Variants in OTOGL observed in about 807,000 individuals in gnomAD.
OTOGL encodes the protein otogelin like.
Under a neutral mutation model 318.5 loss-of-function variants are expected in OTOGL, and 285 were observed. The ratio of observed to expected loss-of-function variants is 0.89; its 90% CI spans 0.81 to 0.99. The LOEUF (loss-of-function observed/expected upper bound fraction) is 0.99. Among genes scored for constraint, OTOGL ranks in the 50% least tolerant of loss-of-function variants. The pLI is 0.00. For missense variants in OTOGL, 2,899 were observed against 2,845.6 expected (o/e 1.02, Z -0.43); for synonymous variants, 987 against 936.5 (o/e 1.05, Z -0.99).
intron 1 of OTOGL, among the ~76,000 whole-genome samples, chr12:80,168,832 C>A (rs539098741): frequency 9.5e-4 from 144 of 152,282 alleles, no homozygotes; most frequent in Middle Eastern, 6.8e-3. Context: ...GTGAACAGAA[C>A]CTTCTCTAAG....
intron 9 of OTOGL, 24 bp downstream of exon 9, chr12:80,233,121 TG>T: frequency 6.4e-7 from 1 of 1,556,846 alleles, no homozygotes; most frequent in Non-Finnish European, 8.7e-7. Context: ...AATAAATGTG[TG>T]GGTACCTTCT....
chr12:80,208,727 G>C (rs1012464318), intron 1 of OTOGL, among the ~76,000 whole-genome samples: 2 of 152,118 alleles, frequency 1.3e-5, no homozygotes, highest in Non-Finnish European at 2.9e-5. Context: ...AGTTTTCAGG[G>C]CTGGGTGAGT....
At chr12:80,306,762 G>A (rs919686105) in intron 29 of OTOGL, among the ~76,000 whole-genome samples, 1 of 107,110 alleles carries the variant, frequency 9.3e-6, no homozygotes, top group African/African-American at 3.7e-5. Context: ...GAATTAAGAA[G>A]TAACTATTTC....
intron 52 of OTOGL, among the ~76,000 whole-genome samples, chr12:80,365,240 T>G (rs1196379514): frequency 2.6e-5 from 4 of 152,110 alleles, no homozygotes. Flanking sequence ...TAACCCAAAG[T>G]GGAAGCAGCC....
At chr12:80,289,468 C>T (rs1377872008) in intron 26 of OTOGL, among the ~76,000 whole-genome samples, 3 of 152,220 alleles carry the variant, frequency 2.0e-5, no homozygotes, top group East Asian at 3.9e-4. Flanking sequence ...CAGGCACAAA[C>T]ATTGAAGTCT....
chr12:80,314,188 A>G, intron 31 of OTOGL, 117 bp from the exon 32 acceptor site: 1 of 325,786 alleles, frequency 3.1e-6, no homozygotes, highest in African/African-American at 2.1e-5. Flanking sequence ...TTCCTAAATA[A>G]TACCATTTTA....
At chr12:80,255,269 G>A in intron 16 of OTOGL, 84 bp downstream of exon 16, 3 of 1,225,966 alleles carry the variant, frequency 2.4e-6, no homozygotes, top group Non-Finnish European at 2.1e-6. Context: ...ATGATAACAT[G>A]AGTGGATATA....
At chr12:80,356,750 CTA>C (rs1251808389) in intron 48 of OTOGL, 55 bp from the exon 49 acceptor site, 2 of 1,061,416 alleles carry the variant, frequency 1.9e-6, no homozygotes, top group East Asian at 5.2e-5. Context: ...GAGGTAAACA[CTA>C]TGTCATTTTT....
chr12:80,279,022 T>A lies in OTOGL; in HGVS notation c.2790-6T>A. On this transcript the variant is annotated splice_polypyrimidine_tract_variant and splice_region_variant and intron_variant, in intron 25 of 58. Coordinates refer to ENST00000547103, the MANE Select transcript of OTOGL (RefSeq NM_001378609.3). Reference sequence around the variant, plus strand: ...TAGAAAGGTAACTTTTGTTATTTTTTAATAGCGTTTGTCGACGAGGAATGT... The same window carrying A: ...TAGAAAGGTAACTTTTGTTATTTTTAAATAGCGTTTGTCGACGAGGAATGT... The A allele has an allele frequency of 1.3e-6, 2 of 1,593,346 alleles. No homozygotes were observed. The highest frequency in any genetic ancestry group is 8.5e-7 in the Non-Finnish European group (1 of 1,175,654).
At chr12:80,126,848 G>T (rs1231947913) in intron 1 of OTOGL, among the ~76,000 whole-genome samples, 1 of 152,030 alleles carries the variant, frequency 6.6e-6, no homozygotes, top group Non-Finnish European at 1.5e-5. Flanking sequence ...TTTTATCAGA[G>T]AACTAGGATT....
At chr12:80,144,949 G>T (rs1872238508) in intron 1 of OTOGL, among the ~76,000 whole-genome samples, 2 of 151,304 alleles carry the variant, frequency 1.3e-5, no homozygotes, top group African/African-American at 4.9e-5. Context: ...GTAGATTCTG[G>T]ATATTAGCCC....
At chr12:80,114,444 A>C (rs1870034837) in intron 1 of OTOGL, among the ~76,000 whole-genome samples, 2 of 152,168 alleles carry the variant, frequency 1.3e-5, no homozygotes, top group African/African-American at 2.4e-5. Context: ...ATTAGCCCCT[A>C]CACTTTTCTG....
intron 29 of OTOGL, among the ~76,000 whole-genome samples, chr12:80,307,790 G>T (rs1260578693): frequency 1.5e-5 from 2 of 132,488 alleles, no homozygotes; most frequent in African/African-American, 2.9e-5. Flanking sequence ...GGGCAGAGGG[G>T]CTCCTCACTT....
chr12:80,270,274 T>C (rs1414976334), intron 23 of OTOGL, 120 bp downstream of exon 23: 2 of 769,750 alleles, frequency 2.6e-6, no homozygotes, highest in African/African-American at 3.5e-5. Flanking sequence ...CTTGGGAATG[T>C]TCTTCAACAT....
Position 80,232,828 on chromosome 12 carries a change from AAT to A in OTOGL, c.612-61_612-60del, listed in dbSNP as rs570926834. 2.7e-5 allele frequency: 36 copies of A among 1,353,578 alleles called. No individual in the cohort carries two copies. In the South Asian group the frequency reaches 4.5e-4, roughly 17 times the overall value. 83.8% of individuals were successfully genotyped at this position (1,353,578 alleles called of 1,614,324 possible). A position where few individuals can be genotyped will look rare whatever the true frequency, so the allele number is the denominator to read the frequency against. On this transcript the variant is annotated intron_variant, in intron 8 of 58. Transcript: ENST00000547103. ...TTTAATTGTATCTCAGTCACTTAAA[AAT>A]ATGTCATCTGTAATTGAGACTTTAT...
chr12:80,148,568 T>G (rs1405809529), intron 1 of OTOGL, among the ~76,000 whole-genome samples: 2 of 151,784 alleles, frequency 1.3e-5, no homozygotes, highest in Non-Finnish European at 2.9e-5. Flanking sequence ...CTTTGTGGTG[T>G]TCTCTGTATT....
At position 80,108,868 on chromosome 12, in the gene OTOGL, ATGTGTATATATG is replaced by A. The variant is rs1869643217; in HGVS notation, c.-20+9267_-20+9278del. ...TATGTGTATATATATGTGTATATAT[ATGTGTATATATG>A]TGTATATATATGTGTATATATATGT... On this transcript the variant is annotated intron_variant, in intron 1 of 58. Coordinates refer to ENST00000547103, the MANE Select transcript of OTOGL (RefSeq NM_001378609.3). Among the ~76,000 whole-genome samples, 6 of 139,394 alleles carry A rather than the reference ATGTGTATATATG, an allele frequency of 4.3e-5. No individual in the cohort carries two copies. The Admixed American group carries it at 4.4e-4, about 10-fold the overall frequency. 91.4% of individuals were successfully genotyped at this position (139,394 alleles called of 152,430 possible). A position where few individuals can be genotyped will look rare whatever the true frequency, so the allele number is the denominator to read the frequency against.
intron 4 of OTOGL, among the ~76,000 whole-genome samples, chr12:80,214,613 T>C (rs1269077828): frequency 6.6e-6 from 1 of 152,184 alleles, no homozygotes; most frequent in Non-Finnish European, 1.5e-5. Context: ...GTCGTGGCTC[T>C]AAACACCCTT....
chr12:80,154,294 G>A (rs1029427404), intron 1 of OTOGL, among the ~76,000 whole-genome samples: 3 of 152,024 alleles, frequency 2.0e-5, no homozygotes, highest in Non-Finnish European at 2.9e-5. Context: ...GGGCAACAGA[G>A]CAAGACTCAG....
Sources: allele counts gnomAD v4.1 joint callset (sites outside exome capture counted in the v4.1 genomes callset), GRCh38; gene constraint gnomAD v4.1.1; transcripts MANE v1.5; gene names NCBI Gene and HGNC (gene_info 2026-07-23, HGNC 2026-07-21).